The following FSTL4 variants were observed in gnomAD, a reference collection of about 807,000 sequenced individuals.
FSTL4 encodes follistatin like 4.
A neutral mutation model predicts 78.2 loss-of-function variants in FSTL4; 28 were observed. The ratio of observed to expected loss-of-function variants is 0.36; its 90% CI spans 0.27 to 0.49. FSTL4 has a LOEUF of 0.49. FSTL4 is among the 20% of genes least tolerant of loss of function. FSTL4 has a pLI of 0.98. For missense variants in FSTL4, 922 were observed against 1,084.9 expected, an observed-to-expected ratio of 0.85 and a Z score of 2.11; for synonymous variants, 422 against 440.5, an observed-to-expected ratio of 0.96 and a Z score of 0.53.
the FSTL4 span, among the ~76,000 whole-genome samples, chr5:133,805,520 T>A: frequency 2.0e-5 from 3 of 152,212 alleles, no homozygotes; most frequent in Non-Finnish European, 4.4e-5. Context: ...GATGGGGTTG[T>A]TTCCTAAGAT....
At chr5:133,597,861 G>A (rs991233856) in intron 2 of FSTL4, among the ~76,000 whole-genome samples, 1 of 152,196 alleles carries the variant, frequency 6.6e-6, no homozygotes, top group South Asian at 2.1e-4. Context: ...ACGGTGGTAA[G>A]CAAGAAGTGA....
At chr5:133,356,123 T>C (rs1193993790) in intron 4 of FSTL4, among the ~76,000 whole-genome samples, 1 of 152,206 alleles carries the variant, frequency 6.6e-6, no homozygotes, top group East Asian at 1.9e-4. Context: ...CTGTAAGAAG[T>C]CCTGATCATG....
At chr5:133,397,335 T>A (rs1035355285) in intron 4 of FSTL4, among the ~76,000 whole-genome samples, 1 of 152,372 alleles carries the variant, frequency 6.6e-6, no homozygotes, top group Non-Finnish European at 1.5e-5. Flanking sequence ...CAAGAAGAGA[T>A]ACATCTTTCC....
chr5:133,507,061 C>A (rs574768767), intron 3 of FSTL4, among the ~76,000 whole-genome samples: 4 of 151,964 alleles, frequency 2.6e-5, no homozygotes, highest in Non-Finnish European at 5.9e-5. Context: ...TACAAAAATT[C>A]GCTGGGCATG....
At chr5:133,642,920 G>A in the FSTL4 span, among the ~76,000 whole-genome samples, 4 of 152,174 alleles carry the variant, frequency 2.6e-5, no homozygotes, top group African/African-American at 9.7e-5. Context: ...GGTGGACTTG[G>A]TGTTCAACCA....
rs1467935271 is a variant in FSTL4, at chr5:133,198,293, C to T, written c.*802G>A. 2 of 152,520 alleles carry T rather than the reference C, an allele frequency of 1.3e-5. No individual in the cohort carries two copies. Among genetic ancestry groups the T allele is most frequent in the Non-Finnish European group, 2.9e-5 (2 of 68,036 alleles). 9.4% of individuals were successfully genotyped at this position (152,520 alleles called of 1,614,324 possible). A position where few individuals can be genotyped will look rare whatever the true frequency, so the allele number is the denominator to read the frequency against. ...AACCGAGTCCTTACGGATGAGGTGG[C>T]CTGGTCTGCTCTTGGAGAAGCAGGG... On this transcript the variant is annotated 3_prime_UTR_variant, in exon 16 of 16. Transcript: ENST00000265342.
At chr5:133,332,992 C>CCT (rs1035793930) in intron 4 of FSTL4, among the ~76,000 whole-genome samples, 2 of 151,228 alleles carry the variant, frequency 1.3e-5, no homozygotes, top group Non-Finnish European at 2.9e-5. Flanking sequence ...GTGCAGGTGT[C>CCT]CTCTCTCTCT....
chr5:133,734,037 C>T, the FSTL4 span, among the ~76,000 whole-genome samples: 1 of 152,234 alleles, frequency 6.6e-6, no homozygotes, highest in Admixed American at 6.5e-5. Context: ...AAGTGTAAAG[C>T]CAAGTGTCTT....
the FSTL4 span, among the ~76,000 whole-genome samples, chr5:133,808,189 T>C: frequency 6.6e-6 from 1 of 152,262 alleles, no homozygotes; most frequent in African/African-American, 2.4e-5. Flanking sequence ...ATCAAAGTTG[T>C]CACTGCAAAC....
chr5:133,432,522 T>C (rs925049424), intron 3 of FSTL4, among the ~76,000 whole-genome samples: 2 of 152,220 alleles, frequency 1.3e-5, no homozygotes, highest in Non-Finnish European at 2.9e-5. Flanking sequence ...CGAGCTGCTA[T>C]GAGACTTGAG....
At chr5:133,265,160 C>T (rs1026148965) in intron 6 of FSTL4, among the ~76,000 whole-genome samples, 2 of 152,072 alleles carry the variant, frequency 1.3e-5, no homozygotes, top group Non-Finnish European at 2.9e-5. Context: ...CCCCGTCCCC[C>T]CACATCATCT....
the FSTL4 span, among the ~76,000 whole-genome samples, chr5:133,789,806 A>G: frequency 6.6e-6 from 1 of 152,154 alleles, no homozygotes; most frequent in Non-Finnish European, 1.5e-5. Flanking sequence ...GGAATCTCTG[A>G]TGTCTCTTCT....
chr5:133,638,452 G>A, the FSTL4 span, among the ~76,000 whole-genome samples: 1 of 152,110 alleles, frequency 6.6e-6, no homozygotes, highest in Non-Finnish European at 1.5e-5. Context: ...CTCCAACTGG[G>A]GTCCTACTTC....
At chr5:133,341,112 A>T (rs959933531) in intron 4 of FSTL4, among the ~76,000 whole-genome samples, 2 of 152,136 alleles carry the variant, frequency 1.3e-5, no homozygotes, top group Non-Finnish European at 2.9e-5. Flanking sequence ...CTCTAAAGAC[A>T]GTGTTCCTTA....
At chr5:133,251,627 A>T (rs1053371379) in intron 6 of FSTL4, among the ~76,000 whole-genome samples, 4 of 151,980 alleles carry the variant, frequency 2.6e-5, no homozygotes, top group Non-Finnish European at 1.5e-5. Flanking sequence ...AGTCAGAGAG[A>T]TGGATTTGCA....
the FSTL4 span, among the ~76,000 whole-genome samples, chr5:133,667,207 C>T: frequency 6.9e-6 from 1 of 144,110 alleles, no homozygotes; most frequent in Non-Finnish European, 1.5e-5. Context: ...TCTCATAATT[C>T]ACTTTCAATT....
the FSTL4 span, among the ~76,000 whole-genome samples, chr5:133,802,118 T>C: frequency 1.3e-5 from 2 of 152,352 alleles, no homozygotes; most frequent in East Asian, 1.9e-4. Flanking sequence ...AACTGGGTAA[T>C]GTCTTTGGGT....
At chr5:133,717,677 C>T in the FSTL4 span, among the ~76,000 whole-genome samples, 5 of 152,182 alleles carry the variant, frequency 3.3e-5, no homozygotes, top group Non-Finnish European at 7.3e-5. Flanking sequence ...CATTACAGTG[C>T]CTATTCTTTT....
At chr5:133,290,225 G>A (rs1753227451) in intron 6 of FSTL4, among the ~76,000 whole-genome samples, 1 of 152,242 alleles carries the variant, frequency 6.6e-6, no homozygotes, top group Admixed American at 6.5e-5. Context: ...GGAATTTTAT[G>A]TACCCATGAT....
Sources: gnomAD v4.1 joint callset for allele counts (sites outside exome capture counted in the v4.1 genomes callset) on GRCh38, gnomAD v4.1.1 for gene constraint, MANE v1.5 for transcripts, NCBI Gene and HGNC (gene_info 2026-07-23, HGNC 2026-07-21) for gene names.